The following HSPA9 variants were observed in gnomAD, a reference collection of about 807,000 sequenced individuals.
HSPA9 encodes stress-70 protein, mitochondrial.
A neutral mutation model predicts 81.5 loss-of-function variants in HSPA9; 28 were observed. That is an observed-to-expected ratio of 0.34 (90% confidence interval 0.25 to 0.47). The LOEUF is 0.47. HSPA9 is among the 20% of genes least tolerant of loss of function. HSPA9 has a pLI of 1.00. For synonymous variants in HSPA9, 293 were observed against 290.4 expected (o/e 1.01, Z -0.09); for missense variants, 678 against 838.0 (o/e 0.81, Z 2.36).
At chr5:138,572,318 A>T (rs1012323817) in intron 3 of HSPA9, among the ~76,000 whole-genome samples, 2 of 151,582 alleles carry the variant, frequency 1.3e-5, no homozygotes, top group African/African-American at 4.9e-5. Context: ...GTATGTATCT[A>T]ACTTCCCAGA....
chr5:138,573,908 T>C, intron 2 of HSPA9, 58 bp from the exon 3 acceptor site: 4 of 1,380,518 alleles, frequency 2.9e-6, no homozygotes, highest in Non-Finnish European at 4.1e-6. Flanking sequence ...CCAAAGTCAC[T>C]GGAAGATAAT....
Position 138,556,086 on chromosome 5 carries a change from C to G in HSPA9, c.1991G>C (p.Ser664Thr). Residue 664 changes from serine to threonine, a missense_variant, in exon 17 of 17, where the codon AGT becomes ACT. Ser to Thr is a moderately conservative substitution (Grantham distance 58). Transcript: ENST00000297185. ...KMASEREGSG[S>T]SGTGEQKEDQ... ...TTCCTTTTGTTCCCCAGTGCCAGAA[C>G]TTCCAGAGCCTTCTCGCTCAGATGC... 1 of 1,613,698 alleles carries G rather than the reference C, an allele frequency of 6.2e-7. No individual in the cohort carries two copies. Among genetic ancestry groups the G allele is most frequent in the Non-Finnish European group, 8.5e-7 (1 of 1,179,740 alleles).
At chr5:138,569,389 C>CT (rs1193730009) in intron 4 of HSPA9, among the ~76,000 whole-genome samples, 3 of 152,196 alleles carry the variant, frequency 2.0e-5, no homozygotes, top group Admixed American at 2.0e-4. Flanking sequence ...ATTCTACTCT[C>CT]TAAGACAAAT....
Position 138,557,383 on chromosome 5 carries a change from G to GA in HSPA9, c.1728+18dup, listed in dbSNP as rs751038306. 1.3e-6 allele frequency: 2 copies of GA among 1,541,134 alleles called. No homozygotes were observed. The highest frequency in any genetic ancestry group is 1.8e-6 in the Non-Finnish European group (2 of 1,115,792). ...TGAGCTTTACTAAGATTAAAGTTCA[G>GA]AAGACAAGAAGTAATCACCTTCTTT... is the stretch of plus-strand genomic sequence containing the variant. On this transcript the variant is annotated intron_variant, in intron 14 of 16. Coordinates refer to ENST00000297185, the MANE Select transcript of HSPA9 (RefSeq NM_004134.7).
chr5:138,556,328 A>C, intron 16 of HSPA9, 124 bp downstream of exon 16: 1 of 1,259,724 alleles, frequency 7.9e-7, no homozygotes, highest in Non-Finnish European at 1.1e-6. Flanking sequence ...GCAGGAGACT[A>C]TCTCCCAACT....
intron 13 of HSPA9, 42 bp from the exon 14 acceptor site, chr5:138,557,538 T>C (rs1213745143): frequency 8.5e-7 from 1 of 1,182,364 alleles, no homozygotes; most frequent in African/African-American, 1.5e-5. Context: ...CCAGGTAAAG[T>C]TATATGCCTC....
At chr5:138,574,400 G>A (rs1488234710) in intron 1 of HSPA9, among the ~76,000 whole-genome samples, 1 of 152,162 alleles carries the variant, frequency 6.6e-6, no homozygotes, top group Non-Finnish European at 1.5e-5. Flanking sequence ...CAGCATCCCT[G>A]GCCTCGACAC....
chr5:138,565,943 T>C (rs1256554872), intron 9 of HSPA9, among the ~76,000 whole-genome samples: 1 of 152,194 alleles, frequency 6.6e-6, no homozygotes, highest in African/African-American at 2.4e-5. Context: ...CCCAGCACTT[T>C]GGGAGGCCGA....
rs1039229296 is a variant in HSPA9, at chr5:138,555,407, T to C, written c.*630A>G. 5 of 152,506 alleles carry C rather than the reference T, an allele frequency of 3.3e-5. No homozygotes were observed. Among genetic ancestry groups the C allele is most frequent in the African/African-American group, 9.7e-5 (4 of 41,422 alleles). The allele number at this position is 152,506 out of a possible 1,614,324, so 9.4% of individuals were successfully genotyped here. ...GGTAAGAGAACAATCATCAAGGATG[T>C]AGGTGCCAGACACAGGGCAGAAGGT... On this transcript the variant is annotated 3_prime_UTR_variant, in exon 17 of 17. Transcript: ENST00000297185.
intron 3 of HSPA9, among the ~76,000 whole-genome samples, chr5:138,571,692 A>C (rs1488005123): frequency 6.7e-6 from 1 of 149,054 alleles, no homozygotes; most frequent in Non-Finnish European, 1.5e-5. Context: ...TGTCACCCAG[A>C]CTGGAGTGCA....
At position 138,569,812 on chromosome 5, in the gene HSPA9, T is replaced by TA. The variant is rs1750839346; in HGVS notation, c.411-764dup. ...AGACAGTCTTTCCACCTCTGCCTCC[T>TA]AAAGTGCTAGGATTACAGACATGAG... is the stretch of plus-strand genomic sequence containing the variant. On this transcript the variant is annotated intron_variant, in intron 4 of 16. Transcript: ENST00000297185. Among the ~76,000 whole-genome samples, 3 of 152,148 alleles carry TA rather than the reference T, an allele frequency of 2.0e-5. No homozygotes were observed. In the South Asian group the frequency reaches 6.2e-4, roughly 32 times the overall value.
chr5:138,560,595 G>A (rs1167289677), intron 10 of HSPA9, among the ~76,000 whole-genome samples: 2 of 146,316 alleles, frequency 1.4e-5, no homozygotes, highest in Admixed American at 1.4e-4. Flanking sequence ...GAGTCTCGCT[G>A]TGTCGCTCAG....
At chr5:138,561,150 A>C (rs373838297) in intron 10 of HSPA9, 1 of 449,746 alleles carries the variant, frequency 2.2e-6, no homozygotes, top group Non-Finnish European at 4.7e-6. Context: ...GCAAAGACAC[A>C]TGTACAAAGA....
intron 3 of HSPA9, 39 bp from the exon 4 acceptor site, chr5:138,571,180 T>C: frequency 6.3e-7 from 1 of 1,593,886 alleles, no homozygotes; most frequent in Non-Finnish European, 8.6e-7. Flanking sequence ...AGTTTGTAGT[T>C]ATCACTGGTA....
rs531935361 is a variant in HSPA9, at chr5:138,554,520, C to A, written c.*1517G>T. 3.9e-5 allele frequency among the ~76,000 whole-genome samples: 6 copies of A among 152,352 alleles called. No individual in the cohort carries two copies. Among genetic ancestry groups the A allele is most frequent in the African/African-American group, 1.4e-4 (6 of 41,588 alleles). On this transcript the variant is annotated 3_prime_UTR_variant, in exon 17 of 17. Coordinates refer to ENST00000297185, the MANE Select transcript of HSPA9 (RefSeq NM_004134.7). ...CAAGAATCTTTTACATGGGTGTTAA[C>A]AAGCACTGAATCTTCCAAAAATGTT...
intron 1 of HSPA9, 81 bp from the exon 2 acceptor site, chr5:138,574,207 T>C (rs1458026487): frequency 4.4e-6 from 4 of 915,748 alleles, no homozygotes; most frequent in Admixed American, 1.8e-5. Flanking sequence ...TCACTTAGTA[T>C]ATAAAATACA....
chr5:138,559,004 C>T, intron 11 of HSPA9: 2 of 280,246 alleles, frequency 7.1e-6, no homozygotes, highest in East Asian at 7.8e-5. Flanking sequence ...ACATACTTTT[C>T]TTCAGAGTGA....
At position 138,554,969 on chromosome 5, in the gene HSPA9, A is replaced by G. The variant is rs1184588698; in HGVS notation, c.*1068T>C. Reference sequence around the variant, plus strand: ...TTCTAGATGCAGTTTCTTTAATGTAAGCCAATTCTGGTTATTTCTACTTGG... The same window carrying G: ...TTCTAGATGCAGTTTCTTTAATGTAGGCCAATTCTGGTTATTTCTACTTGG... On this transcript the variant is annotated 3_prime_UTR_variant, in exon 17 of 17. Coordinates refer to ENST00000297185, the MANE Select transcript of HSPA9 (RefSeq NM_004134.7). The G allele has an allele frequency of 6.6e-6, 1 of 152,208 alleles. No homozygotes were observed. The highest frequency in any genetic ancestry group is 2.4e-5 in the African/African-American group (1 of 41,448). The allele number at this position is 152,208 out of a possible 1,614,324, so 9.4% of individuals were successfully genotyped here.
At chr5:138,557,300 G>T in intron 14 of HSPA9, 102 bp downstream of exon 14, 1 of 827,464 alleles carries the variant, frequency 1.2e-6, no homozygotes, top group Non-Finnish European at 2.1e-6. Context: ...TGGGCTTACA[G>T]TGCTGGGATT....
Sources: allele counts gnomAD v4.1 joint callset (sites outside exome capture counted in the v4.1 genomes callset), GRCh38; gene constraint gnomAD v4.1.1; transcripts MANE v1.5; gene names NCBI Gene and HGNC (gene_info 2026-07-23, HGNC 2026-07-21).